Variants in VPS13B observed in about 807,000 individuals in gnomAD.
VPS13B encodes the protein vacuolar protein sorting 13 homolog B.
VPS13B carries 285 observed loss-of-function variants against 426.4 expected under a neutral mutation model. The ratio of observed to expected loss-of-function variants is 0.67; its 90% confidence interval spans 0.61 to 0.74. The LOEUF (loss-of-function observed/expected upper bound fraction) is 0.74, where lower values mean the gene tolerates loss of function less well. Among genes scored for constraint, VPS13B ranks in the 30% least tolerant of loss-of-function variants. The pLI, the probability that VPS13B is intolerant of heterozygous loss-of-function variation, is 0.00. For synonymous variants in VPS13B, 1,676 were observed against 1,676.4 expected (o/e 1.00, Z 0.01); for missense variants, 4,537 against 4,782.6 (o/e 0.95, Z 1.51).
At chr8:99,365,475 T>C (rs1812812390) in intron 19 of VPS13B, among the ~76,000 whole-genome samples, 1 of 151,408 alleles carries the variant, frequency 6.6e-6, no homozygotes, top group Admixed American at 6.6e-5. Context: ...TCCATTATTA[T>C]TTGTTTCAAG....
At chr8:99,672,986 G>A (rs988426937) in intron 35 of VPS13B, among the ~76,000 whole-genome samples, 6 of 151,778 alleles carry the variant, frequency 4.0e-5, no homozygotes, top group Admixed American at 2.0e-4. Context: ...GATGACACCC[G>A]CTTGATCACG....
intron 23 of VPS13B, among the ~76,000 whole-genome samples, chr8:99,462,590 T>C (rs1236103368): frequency 4.6e-5 from 7 of 152,194 alleles, no homozygotes; most frequent in Non-Finnish European, 7.4e-5. Flanking sequence ...TTCACATACC[T>C]GACTTCTTTG....
chr8:99,811,252 C>A (rs930203587), intron 44 of VPS13B, among the ~76,000 whole-genome samples: 7 of 152,180 alleles, frequency 4.6e-5, no homozygotes, highest in Non-Finnish European at 7.3e-5. Context: ...TTTCACCATT[C>A]CACCACCTTT....
intron 17 of VPS13B, among the ~76,000 whole-genome samples, chr8:99,203,487 A>T (rs1443504006): frequency 1.3e-5 from 2 of 152,208 alleles, no homozygotes; most frequent in African/African-American, 4.8e-5. Flanking sequence ...ACTCCTATTC[A>T]ACATAGTATT....
At position 99,321,816 on chromosome 8, in the gene VPS13B, C is replaced by T. The variant is rs79451481; in HGVS notation, c.2824+46562C>T. 6.8e-3 allele frequency among the ~76,000 whole-genome samples: 1,030 copies of T among 152,240 alleles called. 10 individuals carry two copies. Among genetic ancestry groups the T allele is most frequent in the African/African-American group, 0.024 (998 of 41,528 alleles). ...GAAATGTGTTATGGGATATTGAGAACATTATGATTTAAACGTAATACATAT... is the reference window on the plus strand; with the variant it reads ...GAAATGTGTTATGGGATATTGAGAATATTATGATTTAAACGTAATACATAT... On this transcript the variant is annotated intron_variant, in intron 19 of 61. Transcript: ENST00000357162.
intron 34 of VPS13B, among the ~76,000 whole-genome samples, chr8:99,660,815 C>G (rs768496703): frequency 2.6e-5 from 4 of 151,848 alleles, no homozygotes; most frequent in Non-Finnish European, 4.4e-5. Context: ...AGAGACTGAC[C>G]AATTTTATCA....
intron 5 of VPS13B, among the ~76,000 whole-genome samples, chr8:99,106,663 CTT>C (rs1383790910): frequency 6.6e-6 from 1 of 152,062 alleles, no homozygotes; most frequent in African/African-American, 2.4e-5. Context: ...GGTTTGGACT[CTT>C]TTTAAATTTT....
At chr8:99,292,466 T>A (rs1165965822) in intron 19 of VPS13B, among the ~76,000 whole-genome samples, 1 of 152,090 alleles carries the variant, frequency 6.6e-6, no homozygotes, top group African/African-American at 2.4e-5. Flanking sequence ...ATCTACTAGG[T>A]TTTTGGCCCT....
At chr8:99,689,915 T>G (rs1831578403) in intron 35 of VPS13B, among the ~76,000 whole-genome samples, 1 of 152,246 alleles carries the variant, frequency 6.6e-6, no homozygotes, top group Non-Finnish European at 1.5e-5. Context: ...GACCCTTCTT[T>G]AGTTTTCATT....
intron 23 of VPS13B, among the ~76,000 whole-genome samples, chr8:99,461,619 G>A (rs1211693005): frequency 6.6e-6 from 1 of 152,084 alleles, no homozygotes; most frequent in East Asian, 1.9e-4. Context: ...TTTAATGGAA[G>A]TCAGTGAAAG....
chr8:99,687,349 G>A (rs7002637), intron 35 of VPS13B, among the ~76,000 whole-genome samples: 1 of 152,024 alleles, frequency 6.6e-6, no homozygotes, highest in Non-Finnish European at 1.5e-5. Context: ...TCTGGTGTCT[G>A]ACTGGATTGC....
At chr8:99,507,049 T>G in intron 27 of VPS13B, 88 bp from the exon 28 acceptor site, 1 of 1,454,380 alleles carries the variant, frequency 6.9e-7, no homozygotes, top group Non-Finnish European at 9.6e-7. Context: ...GTTGTGAACT[T>G]TAGACTTATT....
At chr8:99,250,867 T>C (rs1035395977) in intron 17 of VPS13B, among the ~76,000 whole-genome samples, 1 of 150,910 alleles carries the variant, frequency 6.6e-6, no homozygotes, top group African/African-American at 2.4e-5. Context: ...ACTTTTAGTT[T>C]TTTGCATACA....
chr8:99,257,171 A>G (rs1054001066), intron 17 of VPS13B, among the ~76,000 whole-genome samples: 1 of 152,168 alleles, frequency 6.6e-6, no homozygotes, highest in Non-Finnish European at 1.5e-5. Flanking sequence ...TTACATTTCA[A>G]TGTGAGTTTT....
intron 19 of VPS13B, among the ~76,000 whole-genome samples, chr8:99,316,101 G>T (rs966148839): frequency 5.3e-5 from 8 of 152,202 alleles, no homozygotes; most frequent in Non-Finnish European, 8.8e-5. Flanking sequence ...GCTCTGGAAG[G>T]CAGGGTTGCT....
At chr8:99,307,288 A>G (rs1183795196) in intron 19 of VPS13B, among the ~76,000 whole-genome samples, 1 of 152,214 alleles carries the variant, frequency 6.6e-6, no homozygotes, top group Middle Eastern at 3.4e-3. Context: ...TTTCAATTAT[A>G]TTTTAAAATG....
intron 19 of VPS13B, among the ~76,000 whole-genome samples, chr8:99,351,109 G>T (rs1811855893): frequency 6.6e-6 from 1 of 152,102 alleles, no homozygotes; most frequent in Non-Finnish European, 1.5e-5. Context: ...TTTTATTGGA[G>T]AAATAGATTT....
At chr8:99,631,306 T>C (rs932266663) in intron 33 of VPS13B, among the ~76,000 whole-genome samples, 1 of 152,118 alleles carries the variant, frequency 6.6e-6, no homozygotes, top group Non-Finnish European at 1.5e-5. Flanking sequence ...AATGTTTGTC[T>C]ATAAAGAGGA....
intron 33 of VPS13B, among the ~76,000 whole-genome samples, chr8:99,633,219 C>T (rs369559367): frequency 1.3e-5 from 2 of 152,030 alleles, no homozygotes; most frequent in East Asian, 3.9e-4. Context: ...TGTATTTCAT[C>T]AATAGAAATT....
Sources: allele counts gnomAD v4.1 joint callset (sites outside exome capture counted in the v4.1 genomes callset), GRCh38; gene constraint gnomAD v4.1.1; transcripts MANE v1.5; gene names NCBI Gene and HGNC (gene_info 2026-07-23, HGNC 2026-07-21).